Variants in RBFOX1 observed in about 807,000 individuals in gnomAD.
RBFOX1 encodes the protein RNA binding protein fox-1 homolog 1.
RBFOX1 carries 8 observed loss-of-function variants against 57.7 expected under a neutral mutation model. The ratio of observed to expected loss-of-function variants is 0.14; its 90% CI spans 0.08 to 0.25. RBFOX1 has a LOEUF of 0.25. Ranked by LOEUF, RBFOX1 falls within the 10% of genes least tolerant of loss-of-function variation. RBFOX1 has a pLI of 1.00. For missense variants in RBFOX1, 611 were observed against 548.5 expected, an observed-to-expected ratio of 1.11 and a Z score of -1.14; for synonymous variants, 326 against 222.4, an observed-to-expected ratio of 1.47 and a Z score of -4.15.
In RBFOX1 at chr16:6,115,954, T is replaced by G. The variant is rs1006283727; in HGVS notation, c.-127+95962T>G. On this transcript the variant is annotated intron_variant, in intron 1 of 15. Transcript: ENST00000550418. ...CAAAGGATTATAAATCACTCTACTA[T>G]AAAGACACATGCACATGTATATTTG... is the stretch of plus-strand genomic sequence containing the variant. Among the ~76,000 whole-genome samples the G allele has an allele frequency of 2.0e-5, 3 of 152,160 alleles. No homozygotes were observed. The East Asian group carries it at 5.8e-4, about 29-fold the overall frequency.
chr16:6,055,858 A>G (rs1447671057), intron 1 of RBFOX1, among the ~76,000 whole-genome samples: 1 of 152,204 alleles, frequency 6.6e-6, no homozygotes, highest in African/African-American at 2.4e-5. Flanking sequence ...CAAATTCCTC[A>G]GAATCCCATG....
At position 6,243,498 on chromosome 16, in the gene RBFOX1, A is replaced by G. The variant is rs74005032; in HGVS notation, c.-126-73497A>G. On this transcript the variant is annotated intron_variant, in intron 1 of 15. Coordinates refer to ENST00000550418, the MANE Select transcript of RBFOX1 (RefSeq NM_018723.4). ...CCAGCTGCAGCCTCCCTCCCTCCACACTCCTGAGGGAGGCATCTTCTGTGT... is the reference window on the plus strand; with the variant it reads ...CCAGCTGCAGCCTCCCTCCCTCCACGCTCCTGAGGGAGGCATCTTCTGTGT... Among the ~76,000 whole-genome samples, 274 of 151,794 alleles carry G rather than the reference A, an allele frequency of 1.8e-3. 2 individuals carry two copies. Among genetic ancestry groups the G allele is most frequent in the African/African-American group, 4.8e-3 (198 of 41,378 alleles).
At chr16:5,999,612 G>A (rs1009534684) in intron 4 of RBFOX1, among the ~76,000 whole-genome samples, 17 of 152,062 alleles carry the variant, frequency 1.1e-4, no homozygotes, top group Admixed American at 3.3e-4. Flanking sequence ...CTGTAATCCC[G>A]GCACTTTGGG....
chr16:7,515,638 C>A (rs536598187), intron 4 of RBFOX1, among the ~76,000 whole-genome samples: 1 of 152,256 alleles, frequency 6.6e-6, no homozygotes, highest in East Asian at 1.9e-4. Flanking sequence ...CTTAGTAAAG[C>A]TGTTAAAATA....
At chr16:7,147,370 A>T (rs2075231449) in intron 4 of RBFOX1, among the ~76,000 whole-genome samples, 1 of 149,354 alleles carries the variant, frequency 6.7e-6, no homozygotes, top group African/African-American at 2.5e-5. Flanking sequence ...TCTGTTACAC[A>T]GGTAAACTGC....
chr16:7,465,376 C>T (rs4786171), intron 4 of RBFOX1, among the ~76,000 whole-genome samples: 151,633 of 152,332 alleles, frequency 1, 75,479 homozygotes, highest in Middle Eastern at 1. Context: ...ACCTTGGCTG[C>T]TTCATTTGTT....
chr16:6,058,494 T>C (rs975539904), intron 1 of RBFOX1, among the ~76,000 whole-genome samples: 8 of 152,202 alleles, frequency 5.3e-5, no homozygotes, highest in African/African-American at 1.7e-4. Context: ...ATAACATTCT[T>C]GATGACATCG....
intron 3 of RBFOX1, among the ~76,000 whole-genome samples, chr16:7,012,213 T>C (rs1321443179): frequency 6.6e-6 from 1 of 152,166 alleles, no homozygotes; most frequent in East Asian, 1.9e-4. Flanking sequence ...GTGTTTTTGT[T>C]CAACTTGCTT....
chr16:7,261,725 T>C (rs1208916888), intron 4 of RBFOX1, among the ~76,000 whole-genome samples: 1 of 152,132 alleles, frequency 6.6e-6, no homozygotes, highest in Non-Finnish European at 1.5e-5. Flanking sequence ...ATCATGATAA[T>C]AATAGTATCT....
chr16:6,470,148 C>T (rs1185681249), intron 2 of RBFOX1, among the ~76,000 whole-genome samples: 1 of 152,178 alleles, frequency 6.6e-6, no homozygotes, highest in Non-Finnish European at 1.5e-5. Flanking sequence ...GATTTAGATA[C>T]TGCCTCTAGT....
intron 1 of RBFOX1, among the ~76,000 whole-genome samples, chr16:5,436,845 A>G (rs1442517970): frequency 6.6e-6 from 1 of 152,204 alleles, no homozygotes; most frequent in Non-Finnish European, 1.5e-5. Context: ...TTCAAAAAAA[A>G]AAAAAGTTCT....
chr16:6,732,007 G>A (rs2068733927), intron 3 of RBFOX1, among the ~76,000 whole-genome samples: 1 of 152,132 alleles, frequency 6.6e-6, no homozygotes, highest in African/African-American at 2.4e-5. Flanking sequence ...TTTTTTTAAA[G>A]GATCTAGGTA....
intron 3 of RBFOX1, among the ~76,000 whole-genome samples, chr16:5,713,921 C>A (rs954145061): frequency 1.3e-5 from 2 of 152,316 alleles, no homozygotes; most frequent in East Asian, 3.9e-4. Context: ...CTTCCAGTGA[C>A]CTCTTTCTGG....
chr16:6,877,185 C>T (rs566997233), intron 3 of RBFOX1, among the ~76,000 whole-genome samples: 34 of 152,222 alleles, frequency 2.2e-4, no homozygotes, highest in Admixed American at 1.2e-3. Flanking sequence ...TTTCTGCAGC[C>T]GTTACATTTA....
intron 7 of RBFOX1, among the ~76,000 whole-genome samples, chr16:7,591,243 C>A (rs2094430369): frequency 6.6e-6 from 1 of 152,134 alleles, no homozygotes; most frequent in African/African-American, 2.4e-5. Flanking sequence ...GATGAGAGGG[C>A]TCATAGTCCC....
chr16:6,224,063 C>T (rs1406293314), intron 1 of RBFOX1, among the ~76,000 whole-genome samples: 2 of 151,924 alleles, frequency 1.3e-5, no homozygotes, highest in South Asian at 2.1e-4. Context: ...TGATCTATAT[C>T]TCTGTTTTGG....
At chr16:5,757,887 G>A (rs980869181) in intron 3 of RBFOX1, among the ~76,000 whole-genome samples, 2 of 152,148 alleles carry the variant, frequency 1.3e-5, no homozygotes, top group South Asian at 4.2e-4. Flanking sequence ...GCAATGAGAA[G>A]CTCTGACAAT....
intron 4 of RBFOX1, among the ~76,000 whole-genome samples, chr16:7,151,390 T>G (rs2076080715): frequency 6.6e-6 from 1 of 152,166 alleles, no homozygotes; most frequent in Non-Finnish European, 1.5e-5. Flanking sequence ...ATATGTTGTC[T>G]TCAAGCAGGG....
intron 2 of RBFOX1, among the ~76,000 whole-genome samples, chr16:5,555,321 T>TC (rs953601638): frequency 4.6e-5 from 7 of 152,112 alleles, no homozygotes; most frequent in African/African-American, 1.2e-4. Flanking sequence ...TGGTGTGATC[T>TC]CAGCTGACTG....
Sources: gnomAD v4.1 joint callset for allele counts (sites outside exome capture counted in the v4.1 genomes callset) on GRCh38, gnomAD v4.1.1 for gene constraint, MANE v1.5 for transcripts, NCBI Gene and HGNC (gene_info 2026-07-23, HGNC 2026-07-21) for gene names.